CDK14: variants seen among roughly 807,000 people sequenced by gnomAD.
CDK14 encodes cyclin dependent kinase 14, also known as cyclin-dependent kinase 14.
A neutral mutation model predicts 60.7 loss-of-function variants in CDK14; 34 were observed. The ratio of observed to expected loss-of-function variants is 0.56; its 90% CI spans 0.43 to 0.75. CDK14 has a LOEUF of 0.75. CDK14 is among the 30% of genes least tolerant of loss of function. The pLI is 0.00. For missense variants in CDK14, 482 were observed against 564.1 expected (o/e 0.85, Z 1.47); for synonymous variants, 197 against 203.7 (o/e 0.97, Z 0.28).
intron 9 of CDK14, among the ~76,000 whole-genome samples, chr7:90,972,901 T>C (rs923773807): frequency 6.6e-5 from 10 of 152,182 alleles, no homozygotes; most frequent in South Asian, 2.1e-4. Context: ...AAATGCAGGA[T>C]CTCAGGCCTC....
chr7:90,753,690 A>T (rs920715687), intron 4 of CDK14, among the ~76,000 whole-genome samples: 1 of 152,144 alleles, frequency 6.6e-6, no homozygotes, highest in Admixed American at 6.6e-5. Context: ...AAATCAAGTG[A>T]AATTATCCAT....
chr7:90,601,371 T>G (rs1272000338), intron 1 of CDK14, among the ~76,000 whole-genome samples: 1 of 152,222 alleles, frequency 6.6e-6, no homozygotes, highest in Non-Finnish European at 1.5e-5. Flanking sequence ...AAGTTGGTCT[T>G]TGTTGTCACT....
At chr7:90,655,101 T>C (rs1342419555) in intron 2 of CDK14, among the ~76,000 whole-genome samples, 1 of 152,232 alleles carries the variant, frequency 6.6e-6, no homozygotes, top group Non-Finnish European at 1.5e-5. Context: ...CTTTTCAAAC[T>C]GGCTTCTTTC....
chr7:90,896,061 C>T (rs1324037025), intron 6 of CDK14, among the ~76,000 whole-genome samples: 1 of 151,682 alleles, frequency 6.6e-6, no homozygotes, highest in Non-Finnish European at 1.5e-5. Flanking sequence ...GCATTGATCC[C>T]TTCTCTCTCT....
At chr7:90,640,288 A>G (rs547158900) in intron 2 of CDK14, among the ~76,000 whole-genome samples, 4 of 152,246 alleles carry the variant, frequency 2.6e-5, no homozygotes, top group South Asian at 2.1e-4. Context: ...CTTATGTTTA[A>G]TAACTATCAC....
At chr7:91,144,572 G>A (rs1206827314) in intron 14 of CDK14, among the ~76,000 whole-genome samples, 1 of 152,156 alleles carries the variant, frequency 6.6e-6, no homozygotes, top group East Asian at 1.9e-4. Context: ...TGACACAAGG[G>A]AGAAGCGACG....
chr7:90,770,388 T>G (rs1383088619), intron 4 of CDK14, among the ~76,000 whole-genome samples: 2 of 152,238 alleles, frequency 1.3e-5, no homozygotes, highest in African/African-American at 4.8e-5. Context: ...GTTTATGTAG[T>G]GGACTTAAAA....
intron 1 of CDK14, among the ~76,000 whole-genome samples, chr7:90,599,574 G>A (rs955312738): frequency 1.3e-5 from 2 of 152,204 alleles, no homozygotes; most frequent in Non-Finnish European, 2.9e-5. Flanking sequence ...CAAGGTGAAG[G>A]TCAATACCAT....
At chr7:90,963,872 C>T (rs550622068) in intron 9 of CDK14, among the ~76,000 whole-genome samples, 9 of 151,798 alleles carry the variant, frequency 5.9e-5, no homozygotes, top group Admixed American at 1.3e-4. Flanking sequence ...CCCACTACCA[C>T]GCCTGGCTAA....
At chr7:90,695,429 ATAT>A (rs1457514045) in intron 2 of CDK14, among the ~76,000 whole-genome samples, 1 of 152,210 alleles carries the variant, frequency 6.6e-6, no homozygotes, top group African/African-American at 2.4e-5. Flanking sequence ...TGACTTACTC[ATAT>A]ATTCATTCAA....
At chr7:91,126,200 A>G (rs1296573944) in intron 14 of CDK14, among the ~76,000 whole-genome samples, 1 of 152,190 alleles carries the variant, frequency 6.6e-6, no homozygotes, top group African/African-American at 2.4e-5. Flanking sequence ...AAGTTTAAAT[A>G]TAATTAAATA....
At chr7:90,670,109 C>T (rs1488618623) in intron 2 of CDK14, among the ~76,000 whole-genome samples, 4 of 152,162 alleles carry the variant, frequency 2.6e-5, no homozygotes, top group Admixed American at 1.3e-4. Flanking sequence ...TATGACTATA[C>T]CATGGCACTT....
chr7:90,864,950 G>A (rs1791127286), intron 6 of CDK14, among the ~76,000 whole-genome samples: 2 of 151,990 alleles, frequency 1.3e-5, no homozygotes, highest in Non-Finnish European at 1.5e-5. Flanking sequence ...CATGGAGTTC[G>A]TACATCATAT....
At chr7:90,734,813 C>G (rs1803020376) in intron 3 of CDK14, among the ~76,000 whole-genome samples, 2 of 152,128 alleles carry the variant, frequency 1.3e-5, no homozygotes, top group Non-Finnish European at 2.9e-5. Context: ...CTACCTCTGT[C>G]AATTCGTCAA....
At chr7:90,912,673 TC>T (rs1240071232) in intron 7 of CDK14, among the ~76,000 whole-genome samples, 1 of 152,176 alleles carries the variant, frequency 6.6e-6, no homozygotes, top group Non-Finnish European at 1.5e-5. Flanking sequence ...AGTGGTGTGA[TC>T]TCAGTTCACT....
intron 4 of CDK14, among the ~76,000 whole-genome samples, chr7:90,787,137 A>G (rs139848072): frequency 1.7e-3 from 253 of 152,270 alleles, no homozygotes; most frequent in Non-Finnish European, 2.7e-3. Flanking sequence ...GAAAGTCACA[A>G]TGACTCTTAG....
intron 7 of CDK14, among the ~76,000 whole-genome samples, chr7:90,907,018 G>T (rs925244244): frequency 3.3e-5 from 5 of 151,940 alleles, no homozygotes; most frequent in Non-Finnish European, 7.4e-5. Context: ...ATAACAAATG[G>T]TTTATTTCTA....
At chr7:90,820,404 A>G (rs2117074964) in intron 5 of CDK14, among the ~76,000 whole-genome samples, 1 of 152,210 alleles carries the variant, frequency 6.6e-6, no homozygotes, top group African/African-American at 2.4e-5. Context: ...GTGGGAGATG[A>G]TTGGATCATG....
intron 6 of CDK14, among the ~76,000 whole-genome samples, chr7:90,864,347 A>C (rs931754837): frequency 6.6e-6 from 1 of 152,184 alleles, no homozygotes; most frequent in Non-Finnish European, 1.5e-5. Flanking sequence ...AGATTCACAC[A>C]TCAATGCAAA....
Sources: gnomAD v4.1 joint callset for allele counts (sites outside exome capture counted in the v4.1 genomes callset) on GRCh38, gnomAD v4.1.1 for gene constraint, MANE v1.5 for transcripts, NCBI Gene and HGNC (gene_info 2026-07-23, HGNC 2026-07-21) for gene names.